Variants in PI4KA observed in about 807,000 individuals in gnomAD.
PI4KA encodes phosphatidylinositol 4-kinase alpha.
A neutral mutation model predicts 271.4 loss-of-function variants in PI4KA; 122 were observed. The observed-to-expected ratio is 0.45, with a 90% CI of 0.39 to 0.52. PI4KA has a LOEUF of 0.52. Among genes scored for constraint, PI4KA ranks in the 20% least tolerant of loss-of-function variants. The pLI, the probability that PI4KA is intolerant of heterozygous loss-of-function variation, is 0.00. For synonymous variants in PI4KA, 1,041 were observed against 1,078.8 expected, an observed-to-expected ratio of 0.96 and a Z score of 0.69; for missense variants, 1,969 against 2,769.1, an observed-to-expected ratio of 0.71 and a Z score of 6.48.
At chr22:20,748,633 C>T (rs536643100) in intron 28 of PI4KA, among the ~76,000 whole-genome samples, 59 of 152,254 alleles carry the variant, frequency 3.9e-4, no homozygotes, top group African/African-American at 1.2e-3. Flanking sequence ...TGTTTACAGG[C>T]GTGAACCAAC....
rs1926969903 is a variant in PI4KA at position 20,723,354 on chromosome 22, T to C, written c.4996-1936A>G. ...CTTTTTTTGTAAAAGTATAAACAAA[T>C]ATGTATATACATTTGTATTGCCATA... On this transcript the variant is annotated intron_variant, in intron 42 of 54. Coordinates refer to ENST00000255882, the MANE Select transcript of PI4KA (RefSeq NM_058004.4). 5.9e-5 allele frequency among the ~76,000 whole-genome samples: 9 copies of C among 151,978 alleles called. No individual in the cohort carries two copies. The South Asian group carries it at 1.9e-3, about 32-fold the overall frequency.
chr22:20,749,540 C>A (rs1300416227), intron 28 of PI4KA, among the ~76,000 whole-genome samples: 1 of 152,274 alleles, frequency 6.6e-6, no homozygotes, highest in Non-Finnish European at 1.5e-5. Context: ...CAGGCCCCTG[C>A]CTTTGGGCAC....
At position 20,734,171 on chromosome 22, in the gene PI4KA, G is replaced by A. The variant is rs951765435; in HGVS notation, c.3924C>T (p.Ile1308=). ...CTTGGTCAGAGCTGCAGTACTTGGC[G>A]ATCTCAAACCGCTGCACCAGGAACT... ...WIDFLVQRFE[I]AKYCSSDQVE... Residue 1308 remains isoleucine (I), a synonymous_variant, in exon 34 of 55, where the codon ATC becomes ATT. Transcript: ENST00000255882. The A allele has an allele frequency of 7.8e-6, 12 of 1,547,192 alleles. No homozygotes were observed. The highest frequency in any genetic ancestry group is 4.8e-5 in the South Asian group (4 of 83,468).
In PI4KA at chr22:20,763,444, CT is replaced by C. The variant is rs546470127; in HGVS notation, c.2708+1372del. ...CATTTTTGTGCAATGTTCTTTTTTT[CT>C]TTTTTTTTTTTTGAGACGGAGTCTC... On this transcript the variant is annotated intron_variant, in intron 22 of 54. Transcript: ENST00000255882. 9.9e-3 allele frequency among the ~76,000 whole-genome samples: 1,415 copies of C among 143,298 alleles called. 5 individuals are homozygous for C. The highest frequency in any genetic ancestry group is 0.037 in the Middle Eastern group (10 of 272). 94.0% of individuals were successfully genotyped at this position (143,298 alleles called of 152,430 possible). A position where few individuals can be genotyped will look rare whatever the true frequency, so the allele number is the denominator to read the frequency against.
intron 45 of PI4KA, among the ~76,000 whole-genome samples, chr22:20,715,666 G>A (rs1421760149): frequency 6.6e-6 from 1 of 151,324 alleles, no homozygotes; most frequent in African/African-American, 2.4e-5. Flanking sequence ...GTTGAGACGG[G>A]GTTTCACCAA....
At chr22:20,836,551 A>G (rs2147770081) in intron 2 of PI4KA, among the ~76,000 whole-genome samples, 1 of 152,314 alleles carries the variant, frequency 6.6e-6, no homozygotes, top group African/African-American at 2.4e-5. Flanking sequence ...GCACAGGGTG[A>G]GTAAAACCAC....
At chr22:20,784,568 C>A (rs971738258) in intron 19 of PI4KA, among the ~76,000 whole-genome samples, 3 of 152,152 alleles carry the variant, frequency 2.0e-5, no homozygotes, top group African/African-American at 7.2e-5. Flanking sequence ...TCCATTACTT[C>A]CCCGGGTCAC....
intron 9 of PI4KA, among the ~76,000 whole-genome samples, chr22:20,810,592 G>A (rs1935947309): frequency 6.6e-6 from 1 of 151,738 alleles, no homozygotes; most frequent in Admixed American, 6.6e-5. Context: ...GTGTAGCTCT[G>A]AGCCCAGAGG....
intron 29 of PI4KA, 114 bp downstream of exon 29, chr22:20,747,469 C>A (rs541039327): frequency 9.9e-5 from 110 of 1,112,922 alleles, no homozygotes; most frequent in Non-Finnish European, 1.3e-4. Context: ...ATCCACAGCA[C>A]CCTGCATGTA....
At chr22:20,747,382 T>A in intron 29 of PI4KA, 2 of 441,468 alleles carry the variant, frequency 4.5e-6, no homozygotes, top group South Asian at 5.1e-5. Context: ...AAAAGCACAA[T>A]AAGGAAACAC....
At chr22:20,824,551 G>A (rs1364030454) in intron 3 of PI4KA, 137 bp from the exon 4 acceptor site, 9 of 611,008 alleles carry the variant, frequency 1.5e-5, no homozygotes, top group African/African-American at 5.6e-5. Flanking sequence ...TCCTTGAGAC[G>A]AGTCTCAAAA....
intron 7 of PI4KA, among the ~76,000 whole-genome samples, chr22:20,814,476 A>G (rs1311086910): frequency 6.6e-6 from 1 of 152,206 alleles, no homozygotes. Context: ...AAGGCCAAGC[A>G]TGGTGGCTCA....
chr22:20,764,589 G>A (rs928737272), intron 22 of PI4KA: 1 of 492,288 alleles, frequency 2.0e-6, no homozygotes, highest in Non-Finnish European at 3.6e-6. Context: ...TCCTATCAGA[G>A]AGAAGATGAT....
At chr22:20,714,556 C>T (rs201149409) in intron 46 of PI4KA, 28 bp from the exon 47 acceptor site, 1 of 1,613,948 alleles carries the variant, frequency 6.2e-7, no homozygotes, top group Non-Finnish European at 8.5e-7. Flanking sequence ...AATGTGGCAC[C>T]CATGATGCAG....
chr22:20,718,635 TA>T, intron 44 of PI4KA, 57 bp downstream of exon 44: 1 of 1,587,960 alleles, frequency 6.3e-7, no homozygotes, highest in Non-Finnish European at 8.6e-7. Context: ...GCAATTCTGT[TA>T]AGCTGCAGGG....
intron 1 of PI4KA, among the ~76,000 whole-genome samples, chr22:20,847,835 A>G (rs1926460562): frequency 1.3e-5 from 2 of 152,228 alleles, no homozygotes; most frequent in African/African-American, 4.8e-5. Flanking sequence ...GAATAAAAAC[A>G]AAAGAAGTGC....
chr22:20,832,116 CTTTTT>C (rs1350841437), intron 3 of PI4KA, among the ~76,000 whole-genome samples: 1 of 132,412 alleles, frequency 7.6e-6, no homozygotes, highest in African/African-American at 2.8e-5. Flanking sequence ...TTTTGAAATT[CTTTTT>C]TTTTTTTTTT....
intron 50 of PI4KA, 161 bp from the exon 51 acceptor site, chr22:20,711,622 A>G (rs1213478765): frequency 9.4e-6 from 7 of 743,706 alleles, no homozygotes; most frequent in Non-Finnish European, 1.6e-5. Flanking sequence ...CGGTAGCAGG[A>G]GTGACAGGGG....
chr22:20,729,864 T>C (rs981908064), intron 37 of PI4KA, 28 bp downstream of exon 37: 1 of 1,613,464 alleles, frequency 6.2e-7, no homozygotes, highest in African/African-American at 1.3e-5. Flanking sequence ...TTGCATGTGA[T>C]GGCCCCAGCA....
Sources: gnomAD v4.1 joint callset for allele counts (sites outside exome capture counted in the v4.1 genomes callset) on GRCh38, gnomAD v4.1.1 for gene constraint, MANE v1.5 for transcripts, NCBI Gene and HGNC (gene_info 2026-07-23, HGNC 2026-07-21) for gene names.